The following RCL1 variants were observed in gnomAD, a reference collection of about 807,000 sequenced individuals.
The protein encoded by RCL1 is RNA 3'-terminal phosphate cyclase-like protein.
A neutral mutation model predicts 42.4 loss-of-function variants in RCL1; 24 were observed. The observed-to-expected ratio is 0.57, with a 90% CI of 0.41 to 0.80. The LOEUF is 0.80. Among genes scored for constraint, RCL1 ranks in the 30% least tolerant of loss-of-function variants. RCL1 has a pLI of 0.00. For synonymous variants in RCL1, 228 were observed against 177.3 expected (o/e 1.29, Z -2.27); for missense variants, 578 against 467.9 (o/e 1.24, Z -2.17).
intron 8 of RCL1, among the ~76,000 whole-genome samples, chr9:4,853,741 C>T (rs531096621): frequency 1.3e-5 from 2 of 152,296 alleles, no homozygotes; most frequent in South Asian, 4.1e-4. Flanking sequence ...TCAAATTCTG[C>T]TGTAAAATGA....
chr9:4,806,044 G>A (rs867105002), intron 1 of RCL1, among the ~76,000 whole-genome samples: 1 of 139,976 alleles, frequency 7.1e-6, no homozygotes, highest in Non-Finnish European at 1.5e-5. Flanking sequence ...GTGTGTGTGT[G>A]TTTGTGTGTG....
At chr9:4,816,885 C>T (rs1255351279) in intron 1 of RCL1, among the ~76,000 whole-genome samples, 3 of 152,018 alleles carry the variant, frequency 2.0e-5, no homozygotes, top group African/African-American at 4.8e-5. Context: ...GGCGCGATCT[C>T]GGCTCACTGC....
intron 6 of RCL1, 51 bp downstream of exon 6, chr9:4,841,408 G>C: frequency 6.8e-7 from 1 of 1,469,104 alleles, no homozygotes. Context: ...TCACATGCCT[G>C]TTCTAGTTGA....
chr9:4,823,659 T>C, intron 2 of RCL1, 40 bp downstream of exon 2: 1 of 1,359,960 alleles, frequency 7.4e-7, no homozygotes. Flanking sequence ...CTCCATGCAC[T>C]AAAGCATTCC....
At chr9:4,796,301 C>T (rs1166355803) in intron 1 of RCL1, among the ~76,000 whole-genome samples, 1 of 152,156 alleles carries the variant, frequency 6.6e-6, no homozygotes, top group Non-Finnish European at 1.5e-5. Context: ...ATCCATTGTT[C>T]AGCTCCCACT....
chr9:4,826,770 T>C (rs1816776954), intron 2 of RCL1, 88 bp from the exon 3 acceptor site: 3 of 1,196,436 alleles, frequency 2.5e-6, no homozygotes, highest in Admixed American at 2.2e-5. Flanking sequence ...CTTGTCAGGC[T>C]TTCCCCTTGG....
intron 8 of RCL1, among the ~76,000 whole-genome samples, chr9:4,852,525 G>C (rs536732367): frequency 6.6e-6 from 1 of 152,310 alleles, no homozygotes; most frequent in East Asian, 1.9e-4. Context: ...CTGGACTTAA[G>C]GCTCTACCAC....
At chr9:4,817,911 G>GCTT (rs1816443053) in intron 1 of RCL1, among the ~76,000 whole-genome samples, 1 of 72,060 alleles carries the variant, frequency 1.4e-5, no homozygotes, top group South Asian at 5.1e-4. Context: ...ACTTTTCTAA[G>GCTT]ATTTTTTTTT....
intron 8 of RCL1, among the ~76,000 whole-genome samples, chr9:4,851,135 CTG>C (rs1250911704): frequency 6.6e-6 from 1 of 152,062 alleles, no homozygotes; most frequent in Non-Finnish European, 1.5e-5. Context: ...TTGAAAGTTC[CTG>C]TGTCCTCTTC....
rs139713833 is a variant in RCL1 at position 4,852,190 on chromosome 9, C to T, written c.971+2640C>T. Among the ~76,000 whole-genome samples the T allele has an allele frequency of 7.3e-3, 1,107 of 152,232 alleles. 8 individuals carry two copies. The highest frequency in any genetic ancestry group is 9.8e-3 in the Non-Finnish European group (664 of 68,022). On this transcript the variant is annotated intron_variant, in intron 8 of 8. Coordinates refer to ENST00000381750, the MANE Select transcript of RCL1 (RefSeq NM_005772.5). Reference sequence around the variant, plus strand: ...GCCACCAAGTCCGGCCAATGTGAAACTCTTTTAGAAAGGCCCAAGAGATTT... The same window carrying T: ...GCCACCAAGTCCGGCCAATGTGAAATTCTTTTAGAAAGGCCCAAGAGATTT...
At chr9:4,821,989 T>G (rs1053161343) in intron 1 of RCL1, among the ~76,000 whole-genome samples, 1 of 152,248 alleles carries the variant, frequency 6.6e-6, no homozygotes, top group Non-Finnish European at 1.5e-5. Flanking sequence ...AATGACACTC[T>G]GTGCCTCAGG....
intron 1 of RCL1, among the ~76,000 whole-genome samples, chr9:4,803,182 T>A (rs1843035158): frequency 6.6e-6 from 1 of 152,172 alleles, no homozygotes; most frequent in South Asian, 2.1e-4. Flanking sequence ...CTTATTTATC[T>A]TACTTAGGTC....
At chr9:4,857,952 A>G (rs1247254977) in intron 8 of RCL1, among the ~76,000 whole-genome samples, 3 of 26,858 alleles carry the variant, frequency 1.1e-4, no homozygotes, top group Non-Finnish European at 2.1e-4. Flanking sequence ...TTTTTTTTTC[A>G]GTGAGTCTTA....
chr9:4,809,220 C>G (rs115581053), intron 1 of RCL1, among the ~76,000 whole-genome samples: 3 of 152,064 alleles, frequency 2.0e-5, no homozygotes, highest in Non-Finnish European at 4.4e-5. Flanking sequence ...AATAAAGCAG[C>G]AGTAAAGTTT....
At chr9:4,812,987 T>C (rs1231519598) in intron 1 of RCL1, among the ~76,000 whole-genome samples, 1 of 152,210 alleles carries the variant, frequency 6.6e-6, no homozygotes, top group African/African-American at 2.4e-5. Context: ...AAGAGTTTTC[T>C]ATATATAAGA....
chr9:4,839,567 G>T, intron 5 of RCL1: 1 of 690,144 alleles, frequency 1.4e-6, no homozygotes, highest in Non-Finnish European at 1.8e-6. Flanking sequence ...GGTCCAAAGG[G>T]TATGAGATTC....
chr9:4,821,414 C>G (rs556325292), intron 1 of RCL1, among the ~76,000 whole-genome samples: 1 of 152,106 alleles, frequency 6.6e-6, no homozygotes, highest in Non-Finnish European at 1.5e-5. Context: ...ATTCTTGGAT[C>G]CTAGCCTTTT....
In RCL1 at chr9:4,849,432, A is replaced by G; in HGVS notation, c.868-15A>G. The G allele has an allele frequency of 6.3e-7, 1 of 1,596,192 alleles. No homozygotes were observed. The highest frequency in any genetic ancestry group is 8.6e-7 in the Non-Finnish European group (1 of 1,164,582). On this transcript the variant is annotated splice_polypyrimidine_tract_variant and intron_variant, in intron 7 of 8. Coordinates refer to ENST00000381750, the MANE Select transcript of RCL1 (RefSeq NM_005772.5). ...CCATTTTCTGGTTTGTACAATTATT[A>G]ATTTGTGTTTACAGGGTGGATGCGT...
At chr9:4,836,373 C>T (rs1817130242) in intron 5 of RCL1, among the ~76,000 whole-genome samples, 1 of 152,094 alleles carries the variant, frequency 6.6e-6, no homozygotes, top group Non-Finnish European at 1.5e-5. Flanking sequence ...CAGGGGCTCA[C>T]CAGCCTGGAC....
Sources: gnomAD v4.1 joint callset for allele counts (sites outside exome capture counted in the v4.1 genomes callset) on GRCh38, gnomAD v4.1.1 for gene constraint, MANE v1.5 for transcripts, NCBI Gene and HGNC (gene_info 2026-07-23, HGNC 2026-07-21) for gene names.